The following TUSC3 variants were observed in gnomAD, a reference collection of about 807,000 sequenced individuals.
TUSC3 encodes tumor suppressor candidate 3, also known as dolichyl-diphosphooligosaccharide--protein glycosyltransferase subunit TUSC3.
Under a neutral mutation model 44.8 loss-of-function variants are expected in TUSC3, and 45 were observed. The observed-to-expected ratio is 1.00, with a 90% CI of 0.79 to 1.29. The LOEUF (loss-of-function observed/expected upper bound fraction) is 1.29, where lower values mean the gene tolerates loss of function less well. Among genes scored for constraint, TUSC3 ranks in the 50% most tolerant of loss-of-function variants. The pLI is 0.00. For synonymous variants in TUSC3, 212 were observed against 152.9 expected (o/e 1.39, Z -2.85); for missense variants, 519 against 437.9 (o/e 1.19, Z -1.65).
rs181704944 is a variant in TUSC3, at chr8:15,425,962, G to A, written n.91+8657G>A. On this transcript the variant is annotated intron_variant and non_coding_transcript_variant, in intron 1 of 5. Coordinates refer to the TUSC3 transcript ENST00000503191. ...GCCCAGGAGTTCAAGGCTGCAGTGA[G>A]CCATTATTGTGCCATTGTACTCAAG... 9.8e-5 allele frequency among the ~76,000 whole-genome samples: 15 copies of A among 152,308 alleles called. No homozygotes were observed. The East Asian group carries it at 2.9e-3, about 29-fold the overall frequency.
intron 1 of TUSC3, among the ~76,000 whole-genome samples, chr8:15,556,022 A>G (rs1199814177): frequency 6.7e-6 from 1 of 149,928 alleles, no homozygotes; most frequent in Admixed American, 6.7e-5. Flanking sequence ...TTTTTTTATT[A>G]TACTTTAAGT....
At chr8:15,808,009 A>G in the TUSC3 span, among the ~76,000 whole-genome samples, 1 of 152,128 alleles carries the variant, frequency 6.6e-6, no homozygotes, top group African/African-American at 2.4e-5. Context: ...CCTCTATTGA[A>G]TCTAAAATGA....
At chr8:15,624,074 G>A (rs1415737880) in intron 2 of TUSC3, among the ~76,000 whole-genome samples, 6 of 152,028 alleles carry the variant, frequency 3.9e-5, no homozygotes, top group Non-Finnish European at 7.4e-5. Flanking sequence ...TGTATGGTAC[G>A]TGACCTTTTG....
upstream of TUSC3, among the ~76,000 whole-genome samples, chr8:15,535,760 G>T (rs867039208): frequency 6.6e-6 from 1 of 152,148 alleles, no homozygotes; most frequent in African/African-American, 2.4e-5. Flanking sequence ...AAAAAGTTAA[G>T]GAGTGTGTGT....
At chr8:15,516,727 A>T (rs1442324378) in intron 2 of TUSC3, among the ~76,000 whole-genome samples, 1 of 152,186 alleles carries the variant, frequency 6.6e-6, no homozygotes, top group Non-Finnish European at 1.5e-5. Context: ...ATGAAATATA[A>T]AAGGTCATTT....
chr8:15,584,717 A>G (rs1803524262), intron 1 of TUSC3, among the ~76,000 whole-genome samples: 1 of 152,026 alleles, frequency 6.6e-6, no homozygotes, highest in Non-Finnish European at 1.5e-5. Context: ...GTGGTGAAGG[A>G]GGAGGGTGAA....
intron 5 of TUSC3, among the ~76,000 whole-genome samples, chr8:15,673,207 A>G (rs1467978573): frequency 1.3e-5 from 2 of 151,994 alleles, no homozygotes; most frequent in Non-Finnish European, 2.9e-5. Flanking sequence ...ATTCCTGGCT[A>G]TGTCTTTTTG....
Position 15,527,189 on chromosome 8 carries a change from A to T in TUSC3, n.189+43706A>T, listed in dbSNP as rs1294955157. 1.3e-5 allele frequency among the ~76,000 whole-genome samples: 2 copies of T among 152,096 alleles called. 1 individual carries two copies. The highest frequency in any genetic ancestry group is 2.9e-5 in the Non-Finnish European group (2 of 68,006). ...TAAATTGTTACTTCACACATTATGA[A>T]TTCTTTTCTATGTGCAGCTTGAATG... is the stretch of plus-strand genomic sequence containing the variant. On this transcript the variant is annotated intron_variant and non_coding_transcript_variant, in intron 2 of 5. Transcript: ENST00000503191.
intron 2 of TUSC3, among the ~76,000 whole-genome samples, chr8:15,524,914 G>T (rs1801353777): frequency 1.3e-5 from 2 of 152,160 alleles, no homozygotes; most frequent in African/African-American, 4.8e-5. Context: ...AATGGTAAAA[G>T]ACTAACACAG....
intron 1 of TUSC3, among the ~76,000 whole-genome samples, chr8:15,604,424 G>A (rs187216596): frequency 8.6e-5 from 13 of 151,496 alleles, no homozygotes; most frequent in Non-Finnish European, 1.8e-4. Context: ...GAGTACGTGG[G>A]TTTTTGTTTT....
chr8:15,792,938 C>A, the TUSC3 span, among the ~76,000 whole-genome samples: 22 of 152,056 alleles, frequency 1.4e-4, no homozygotes, highest in East Asian at 1.6e-3. Context: ...TTCTGCAAAG[C>A]CCCAATATCT....
chr8:15,447,559 C>T (rs1374233234), intron 1 of TUSC3, among the ~76,000 whole-genome samples: 1 of 151,990 alleles, frequency 6.6e-6, no homozygotes, highest in Non-Finnish European at 1.5e-5. Context: ...ATGAAAAAAG[C>T]AATAAAAATG....
intron 2 of TUSC3, among the ~76,000 whole-genome samples, chr8:15,517,643 C>T (rs1385834079): frequency 6.8e-6 from 1 of 147,228 alleles, no homozygotes; most frequent in African/African-American, 2.5e-5. Context: ...ATGTATACCT[C>T]AAAAGGAGAC....
intron 1 of TUSC3, among the ~76,000 whole-genome samples, chr8:15,551,470 C>T (rs1218801883): frequency 6.6e-6 from 1 of 151,518 alleles, no homozygotes; most frequent in East Asian, 2.0e-4. Context: ...TTATATGATT[C>T]GTGGGGGGTA....
chr8:15,646,025 T>C (rs779465124), intron 2 of TUSC3, among the ~76,000 whole-genome samples: 35 of 152,104 alleles, frequency 2.3e-4, no homozygotes, highest in Non-Finnish European at 3.5e-4. Context: ...GCCACTTCTG[T>C]ACTAGATCCT....
chr8:15,481,592 G>T (rs1218572482), intron 1 of TUSC3, among the ~76,000 whole-genome samples: 2 of 152,142 alleles, frequency 1.3e-5, no homozygotes, highest in East Asian at 1.9e-4. Flanking sequence ...AATAAAGCAG[G>T]TATCACAGTA....
chr8:15,657,382 G>A (rs1026042317), intron 3 of TUSC3, among the ~76,000 whole-genome samples: 1 of 152,072 alleles, frequency 6.6e-6, no homozygotes, highest in Non-Finnish European at 1.5e-5. Flanking sequence ...AGATATCCTC[G>A]TTGATTGCTT....
intron 1 of TUSC3, among the ~76,000 whole-genome samples, chr8:15,609,757 A>AAG (rs1804684870): frequency 6.6e-6 from 1 of 152,036 alleles, no homozygotes; most frequent in Non-Finnish European, 1.5e-5. Flanking sequence ...AACATTTAAA[A>AAG]AAAAACATGT....
chr8:15,452,498 C>G (rs574342412), intron 1 of TUSC3, among the ~76,000 whole-genome samples: 9 of 152,128 alleles, frequency 5.9e-5, no homozygotes, highest in African/African-American at 2.2e-4. Flanking sequence ...CTGCAACTTT[C>G]TCAAACTTTA....
Sources: allele counts gnomAD v4.1 joint callset (sites outside exome capture counted in the v4.1 genomes callset), GRCh38; gene constraint gnomAD v4.1.1; transcripts MANE v1.5; gene names NCBI Gene and HGNC (gene_info 2026-07-23, HGNC 2026-07-21).